The following MTMR3 variants were observed in gnomAD, a reference collection of about 807,000 sequenced individuals.
MTMR3 encodes the protein myotubularin related protein 3.
In MTMR3, 32 loss-of-function variants were observed where a neutral mutation model predicts 132.4. That is an observed-to-expected ratio of 0.24 (90% CI 0.18 to 0.32). MTMR3 has a LOEUF of 0.32. Among genes scored for constraint, MTMR3 ranks in the 10% least tolerant of loss-of-function variants. The pLI, the probability that MTMR3 is intolerant of heterozygous loss-of-function variation, is 1.00. For missense variants in MTMR3, 1,216 were observed against 1,489.6 expected (o/e 0.82, Z 3.02); for synonymous variants, 556 against 550.3 (o/e 1.01, Z -0.14).
intron 1 of MTMR3, among the ~76,000 whole-genome samples, chr22:29,903,390 C>T (rs796900300): frequency 1.4e-4 from 17 of 119,676 alleles, no homozygotes; most frequent in East Asian, 2.4e-4. Context: ...CTTTTTCTTT[C>T]TTTTTTTTTT....
At chr22:30,016,122 T>C (rs2067583183) in intron 14 of MTMR3, 2 of 197,382 alleles carry the variant, frequency 1.0e-5, no homozygotes, top group South Asian at 1.8e-4. Flanking sequence ...GCCCAGCACC[T>C]TAGTCATGTT....
Position 29,978,585 on chromosome 22 carries a change from G to A in MTMR3, c.93+54G>A, listed in dbSNP as rs549813244. 79 of 1,383,362 alleles carry A rather than the reference G, an allele frequency of 5.7e-5. No individual in the cohort carries two copies. The African/African-American group carries it at 1.1e-3, about 19-fold the overall frequency. The allele number at this position is 1,383,362 out of a possible 1,614,324, so 85.7% of individuals were successfully genotyped here. A position where few individuals can be genotyped will look rare whatever the true frequency, so the allele number is the denominator to read the frequency against. On this transcript the variant is annotated intron_variant, in intron 4 of 19. Coordinates refer to ENST00000401950, the MANE Select transcript of MTMR3 (RefSeq NM_021090.4). The stretch of plus-strand genomic sequence containing the variant: ...ATATTTATTTAGCATTAACTGTATA[G>A]CAGAGTTAATGGATTTAAGTGTAAC...
chr22:29,938,512 C>G (rs2065794514), intron 1 of MTMR3, among the ~76,000 whole-genome samples: 1 of 152,206 alleles, frequency 6.6e-6, no homozygotes, highest in African/African-American at 2.4e-5. Context: ...ATCTGAGTGT[C>G]TGTTGTGGAA....
intron 1 of MTMR3, among the ~76,000 whole-genome samples, chr22:29,912,633 C>T (rs558426771): frequency 6.6e-6 from 1 of 152,272 alleles, no homozygotes; most frequent in East Asian, 1.9e-4. Flanking sequence ...AAGTCCAGTT[C>T]TTCTTTACCA....
At chr22:29,906,445 C>T (rs2065105545) in intron 1 of MTMR3, among the ~76,000 whole-genome samples, 3 of 152,046 alleles carry the variant, frequency 2.0e-5, no homozygotes, top group Non-Finnish European at 4.4e-5. Context: ...TCTCCTGCCT[C>T]AGCCTCCCTA....
Position 29,949,039 on chromosome 22 carries a change from A to G in MTMR3, c.-137-7997A>G, listed in dbSNP as rs9625890. Reference sequence around the variant, plus strand: ...CTTGAGCCTGAAAGGTTGATGCTGCAGTGAGCCACAATCATGCCACTGCAC... The same window carrying G: ...CTTGAGCCTGAAAGGTTGATGCTGCGGTGAGCCACAATCATGCCACTGCAC... On this transcript the variant is annotated intron_variant, in intron 1 of 19. Coordinates refer to ENST00000401950, the MANE Select transcript of MTMR3 (RefSeq NM_021090.4). Among the ~76,000 whole-genome samples the G allele has an allele frequency of 7.2e-3, 1,073 of 148,406 alleles. 11 individuals carry two copies. The highest frequency in any genetic ancestry group is 0.024 in the African/African-American group (958 of 40,286).
chr22:30,019,735 C>A lies in MTMR3; in HGVS notation c.2076C>A (p.Ile692=). Residue 692 remains isoleucine (I), a synonymous_variant, in exon 17 of 20, where the codon ATC becomes ATA. Coordinates refer to ENST00000401950, the MANE Select transcript of MTMR3 (RefSeq NM_021090.4). The part of the protein sequence containing the change: ...AGVAEGQMEN[I]LQEATKEESG... ...TAGCTGAGGGGCAGATGGAGAACAT[C>A]TTGCAGGAGGCCACCAAAGAGGAGA... is the stretch of plus-strand genomic sequence containing the variant. The A allele has an allele frequency of 6.2e-7, 1 of 1,614,216 alleles. No individual in the cohort carries two copies.
chr22:29,902,221 G>A (rs1419198152), intron 1 of MTMR3, among the ~76,000 whole-genome samples: 1 of 152,070 alleles, frequency 6.6e-6, no homozygotes, highest in Admixed American at 6.5e-5. Flanking sequence ...AATATAAACT[G>A]TAAGTCATTA....
intron 1 of MTMR3, among the ~76,000 whole-genome samples, chr22:29,945,304 C>T (rs2065931093): frequency 6.6e-6 from 1 of 152,140 alleles, no homozygotes; most frequent in South Asian, 2.1e-4. Context: ...TGCACCCAGC[C>T]TGGAAATGTA....
intron 15 of MTMR3, 43 bp from the exon 16 acceptor site, chr22:30,017,884 C>T (rs372856622): frequency 7.0e-5 from 112 of 1,610,464 alleles, no homozygotes; most frequent in Non-Finnish European, 9.2e-5. Flanking sequence ...TCCTAGAAGA[C>T]TTATTGGGGC....
chr22:29,961,966 C>G (rs1237739626), intron 2 of MTMR3, among the ~76,000 whole-genome samples: 1 of 152,204 alleles, frequency 6.6e-6, no homozygotes, highest in African/African-American at 2.4e-5. Flanking sequence ...GAACAACAGG[C>G]TATACCATAT....
At chr22:29,956,728 G>A (rs1237957619) in intron 1 of MTMR3, among the ~76,000 whole-genome samples, 3 of 152,120 alleles carry the variant, frequency 2.0e-5, no homozygotes, top group Non-Finnish European at 4.4e-5. Context: ...TACCCAAGAA[G>A]CCACCAGAAA....
chr22:29,964,500 C>T (rs917902216), intron 2 of MTMR3, among the ~76,000 whole-genome samples: 1 of 152,152 alleles, frequency 6.6e-6, no homozygotes, highest in Non-Finnish European at 1.5e-5. Flanking sequence ...TTTAACTTTT[C>T]TCAGATACTT....
chr22:29,935,324 T>G (rs1174416668), intron 1 of MTMR3, among the ~76,000 whole-genome samples: 2 of 152,106 alleles, frequency 1.3e-5, no homozygotes, highest in Non-Finnish European at 2.9e-5. Context: ...CCATTGGGAG[T>G]GGAAGCAGGA....
chr22:29,959,275 A>G (rs973311979), intron 2 of MTMR3, among the ~76,000 whole-genome samples: 4 of 152,128 alleles, frequency 2.6e-5, no homozygotes, highest in Non-Finnish European at 4.4e-5. Context: ...AGGTTATTTC[A>G]CCTTCAGGCT....
At chr22:29,933,625 T>G (rs567514049) in intron 1 of MTMR3, among the ~76,000 whole-genome samples, 1 of 152,338 alleles carries the variant, frequency 6.6e-6, no homozygotes, top group African/African-American at 2.4e-5. Flanking sequence ...TTCCATTATC[T>G]TCACATAATT....
Position 29,889,721 on chromosome 22 carries a change from G to A in MTMR3, c.-138+6362G>A, listed in dbSNP as rs570495589. Among the ~76,000 whole-genome samples, 10 of 151,834 alleles carry A rather than the reference G, an allele frequency of 6.6e-5. No individual in the cohort carries two copies. The South Asian group carries it at 2.1e-3, about 32-fold the overall frequency. On this transcript the variant is annotated intron_variant, in intron 1 of 19. Coordinates refer to ENST00000401950, the MANE Select transcript of MTMR3 (RefSeq NM_021090.4). ...AATTTTAAAAAGAACAACTTTCCCT[G>A]TAAAATTGATATTCCCTTAATGAGC...
chr22:29,914,132 G>A (rs1879539475), intron 1 of MTMR3, among the ~76,000 whole-genome samples: 1 of 152,098 alleles, frequency 6.6e-6, no homozygotes, highest in African/African-American at 2.4e-5. Flanking sequence ...CATTTCTCTT[G>A]GTTAAAAATC....
At chr22:29,951,210 G>A (rs990967797) in intron 1 of MTMR3, among the ~76,000 whole-genome samples, 1 of 152,086 alleles carries the variant, frequency 6.6e-6, no homozygotes, top group African/African-American at 2.4e-5. Flanking sequence ...GAGCAAATCA[G>A]AACATATACT....
Sources: gnomAD v4.1 joint callset for allele counts (sites outside exome capture counted in the v4.1 genomes callset) on GRCh38, gnomAD v4.1.1 for gene constraint, MANE v1.5 for transcripts, NCBI Gene and HGNC (gene_info 2026-07-23, HGNC 2026-07-21) for gene names.